SDK1: variants seen among roughly 807,000 people sequenced by gnomAD.
The protein encoded by SDK1 is protein sidekick-1.
In SDK1, 157 loss-of-function variants were observed where a neutral mutation model predicts 245.5. The ratio of observed to expected loss-of-function variants is 0.64; its 90% CI spans 0.56 to 0.73. The LOEUF (loss-of-function observed/expected upper bound fraction) is 0.73, where lower values mean the gene tolerates loss of function less well. Among genes scored for constraint, SDK1 ranks in the 30% least tolerant of loss-of-function variants. The pLI is 0.00. For missense variants in SDK1, 3,583 were observed against 3,002.3 expected (o/e 1.19, Z -4.52); for synonymous variants, 1,647 against 1,278.5 (o/e 1.29, Z -6.15).
intron 22 of SDK1, among the ~76,000 whole-genome samples, chr7:4,087,573 G>C (rs1366541648): frequency 2.0e-5 from 3 of 152,066 alleles, no homozygotes; most frequent in African/African-American, 7.2e-5. Flanking sequence ...TTCTGTTCAG[G>C]ATCATGCTAC....
chr7:3,966,833 G>A lies in SDK1; in HGVS notation c.1430-485G>A, dbSNP rs1782121354. On this transcript the variant is annotated intron_variant, in intron 9 of 44. Transcript: ENST00000404826. ...CCCAAGTACGTGGGACTATAGGCCT[G>A]CACCACCATGCCTGGCTAATTTTTC... 2.6e-5 allele frequency among the ~76,000 whole-genome samples: 4 copies of A among 151,998 alleles called. No homozygotes were observed. In the South Asian group the frequency reaches 8.3e-4, roughly 32 times the overall value.
intron 1 of SDK1, among the ~76,000 whole-genome samples, chr7:3,608,803 A>G (rs1055625442): frequency 6.6e-6 from 1 of 152,236 alleles, no homozygotes; most frequent in African/African-American, 2.4e-5. Context: ...GTTGCAACTA[A>G]CCTTTATGAA....
In SDK1 at chr7:3,900,535, AT is replaced by A. The variant is rs951178043; in HGVS notation, c.848-50385del. Reference sequence around the variant, plus strand: ...CTTCTTGGCTTCATATCCTTATAGAATTTCTCCTTCAGAAATCATTTCCCAC... The same window carrying A: ...CTTCTTGGCTTCATATCCTTATAGAATTCTCCTTCAGAAATCATTTCCCAC... On this transcript the variant is annotated intron_variant, in intron 5 of 44. Transcript: ENST00000404826. 1.3e-3 allele frequency among the ~76,000 whole-genome samples: 202 copies of A among 152,234 alleles called. 1 individual carries two copies. Among genetic ancestry groups the A allele is most frequent in the African/African-American group, 4.7e-3 (197 of 41,534 alleles).
At chr7:3,789,474 A>G (rs963458186) in intron 4 of SDK1, among the ~76,000 whole-genome samples, 1 of 152,232 alleles carries the variant, frequency 6.6e-6, no homozygotes, top group Non-Finnish European at 1.5e-5. Flanking sequence ...CTTTACAGGT[A>G]TAAATAAGTG....
chr7:4,033,550 G>A (rs1787989458), intron 17 of SDK1, among the ~76,000 whole-genome samples: 1 of 152,082 alleles, frequency 6.6e-6, no homozygotes, highest in Non-Finnish European at 1.5e-5. Context: ...GCAAATTGGG[G>A]GAAATCTTTG....
In SDK1 at chr7:3,500,289, T is replaced by C. The variant is rs183624976; in HGVS notation, c.299-118791T>C. Among the ~76,000 whole-genome samples, 59 of 152,350 alleles carry C rather than the reference T, an allele frequency of 3.9e-4. 1 individual carries two copies. The highest frequency in any genetic ancestry group is 2.6e-3 in the Admixed American group (40 of 15,304). On this transcript the variant is annotated intron_variant, in intron 1 of 44. Transcript: ENST00000404826. ...CTTATATCCCCTATTTTCTCCTTCT[T>C]GGACTACTCTTGTGTTAGTGGAACA...
chr7:4,151,721 C>T lies in SDK1; in HGVS notation c.4625+2258C>T, dbSNP rs563825887. 3.9e-5 allele frequency among the ~76,000 whole-genome samples: 6 copies of T among 152,354 alleles called. No homozygotes were observed. In the South Asian group the frequency reaches 1.0e-3, roughly 26 times the overall value. The stretch of plus-strand genomic sequence containing the variant: ...CACCACTTCCATGTGTCATTTCATA[C>T]GATCTTTGTAACAACCATGTGGACA... On this transcript the variant is annotated intron_variant, in intron 30 of 44. Coordinates refer to ENST00000404826, the MANE Select transcript of SDK1 (RefSeq NM_152744.4).
chr7:4,265,990 G>A lies in SDK1; in HGVS notation c.*606G>A. 2.0e-6 allele frequency: 2 copies of A among 985,638 alleles called. No homozygotes were observed. Among genetic ancestry groups the A allele is most frequent in the Non-Finnish European group, 2.4e-6 (2 of 830,062 alleles). 61.1% of individuals were successfully genotyped at this position (985,638 alleles called of 1,614,324 possible). On this transcript the variant is annotated 3_prime_UTR_variant, in exon 45 of 45. Coordinates refer to ENST00000404826, the MANE Select transcript of SDK1 (RefSeq NM_152744.4). Reference sequence around the variant, plus strand: ...TCGGCTTTCAGGTTCCTGACGGCCAGGCAGGGATGCTAAGGTGTGGCTCAG... The same window carrying A: ...TCGGCTTTCAGGTTCCTGACGGCCAAGCAGGGATGCTAAGGTGTGGCTCAG...
Position 3,581,798 on chromosome 7 carries a change from T to A in SDK1, c.299-37282T>A, listed in dbSNP as rs140830582. Among the ~76,000 whole-genome samples, 444 of 152,316 alleles carry A rather than the reference T, an allele frequency of 2.9e-3. 2 individuals carry two copies. The highest frequency in any genetic ancestry group is 0.01 in the African/African-American group (419 of 41,566). On this transcript the variant is annotated intron_variant, in intron 1 of 44. Coordinates refer to ENST00000404826, the MANE Select transcript of SDK1 (RefSeq NM_152744.4). ...AAAGAAAATGTGGTACATATACACC[T>A]CAGAATACTATGCGGCCATGAAATA...
intron 4 of SDK1, among the ~76,000 whole-genome samples, chr7:3,776,981 A>C (rs914939381): frequency 2.0e-5 from 3 of 152,130 alleles, no homozygotes; most frequent in Non-Finnish European, 2.9e-5. Context: ...TTCCACCCCC[A>C]CACACACTTG....
At chr7:3,622,241 G>C (rs1354398252) in intron 2 of SDK1, among the ~76,000 whole-genome samples, 1 of 152,162 alleles carries the variant, frequency 6.6e-6, no homozygotes, top group Non-Finnish European at 1.5e-5. Context: ...ACTTTGGGAG[G>C]GTGAGGCAGG....
intron 1 of SDK1, among the ~76,000 whole-genome samples, chr7:3,400,823 A>G (rs1045784071): frequency 6.6e-6 from 1 of 152,206 alleles, no homozygotes; most frequent in African/African-American, 2.4e-5. Context: ...GGAATCTATT[A>G]TGCAACAGAG....
At chr7:3,315,328 C>A (rs1779638674) in intron 1 of SDK1, among the ~76,000 whole-genome samples, 2 of 152,260 alleles carry the variant, frequency 1.3e-5, no homozygotes, top group East Asian at 1.9e-4. Context: ...ATCCTTACAA[C>A]CCTATTTTAT....
chr7:4,245,872 C>G, intron 44 of SDK1, 67 bp downstream of exon 44: 4 of 1,578,308 alleles, frequency 2.5e-6, no homozygotes, highest in Non-Finnish European at 3.5e-6. Flanking sequence ...GACTTCTGCC[C>G]CCTCAGGCTG....
rs1788425172 is a variant in SDK1 at position 4,265,702 on chromosome 7, T to C, written c.*318T>C. On this transcript the variant is annotated 3_prime_UTR_variant, in exon 45 of 45. Coordinates refer to ENST00000404826, the MANE Select transcript of SDK1 (RefSeq NM_152744.4). The stretch of plus-strand genomic sequence containing the variant: ...TCAGACCTCCCCAGCCCTGGGTTTC[T>C]CCGTCTTCAAGACCAACTAGGAAGG... 10 of 1,123,864 alleles carry C rather than the reference T, an allele frequency of 8.9e-6. No homozygotes were observed. The highest frequency in any genetic ancestry group is 6.0e-5 in the East Asian group (1 of 16,730). 69.6% of individuals were successfully genotyped at this position (1,123,864 alleles called of 1,614,324 possible). A position where few individuals can be genotyped will look rare whatever the true frequency, so the allele number is the denominator to read the frequency against.
chr7:3,539,223 G>T (rs1159411164), intron 1 of SDK1, among the ~76,000 whole-genome samples: 2 of 152,158 alleles, frequency 1.3e-5, no homozygotes, highest in Non-Finnish European at 2.9e-5. Context: ...ACCTATCAAG[G>T]AGTTGGAGCA....
intron 19 of SDK1, among the ~76,000 whole-genome samples, chr7:4,054,776 C>G (rs1779099446): frequency 6.6e-6 from 1 of 152,052 alleles, no homozygotes; most frequent in African/African-American, 2.4e-5. Context: ...AGTTATTCCT[C>G]ACTATTGCTA....
intron 1 of SDK1, among the ~76,000 whole-genome samples, chr7:3,392,516 C>T (rs193063651): frequency 6.6e-6 from 1 of 152,042 alleles, no homozygotes; most frequent in African/African-American, 2.4e-5. Flanking sequence ...CAGTGACATT[C>T]ATTGTATTCA....
intron 2 of SDK1, among the ~76,000 whole-genome samples, 189 bp downstream of exon 2, chr7:3,619,428 C>T (rs1394229445): frequency 6.6e-6 from 1 of 152,140 alleles, no homozygotes; most frequent in East Asian, 1.9e-4. Flanking sequence ...TGTACTTACA[C>T]CTAGGAAGTC....
Sources: allele counts gnomAD v4.1 joint callset (sites outside exome capture counted in the v4.1 genomes callset), GRCh38; gene constraint gnomAD v4.1.1; transcripts MANE v1.5; gene names NCBI Gene and HGNC (gene_info 2026-07-23, HGNC 2026-07-21).